Variants in LRRTM4 observed in about 807,000 individuals in gnomAD.
LRRTM4 encodes the protein leucine-rich repeat transmembrane neuronal protein 4.
In LRRTM4, 25 loss-of-function variants were observed where a neutral mutation model predicts 47.6. The observed-to-expected ratio is 0.53, with a 90% CI of 0.38 to 0.73. LRRTM4 has a LOEUF of 0.73. LRRTM4 is among the 30% of genes least tolerant of loss of function. The pLI, the probability that LRRTM4 is intolerant of heterozygous loss-of-function variation, is 0.00. For missense variants in LRRTM4, 638 were observed against 713.4 expected (o/e 0.89, Z 1.20); for synonymous variants, 311 against 269.5 (o/e 1.15, Z -1.51).
At chr2:76,776,271 C>G (rs1317722500) in intron 3 of LRRTM4, among the ~76,000 whole-genome samples, 2 of 151,930 alleles carry the variant, frequency 1.3e-5, no homozygotes, top group African/African-American at 4.8e-5. Context: ...GGGTATATAC[C>G]CAGTAATGGG....
At chr2:77,330,217 T>C (rs577615981) in intron 3 of LRRTM4, among the ~76,000 whole-genome samples, 123 of 152,284 alleles carry the variant, frequency 8.1e-4, no homozygotes, top group African/African-American at 2.8e-3. Context: ...GGAGACCATT[T>C]GTTCAGTGCA....
chr2:76,849,167 T>C (rs1261368251), intron 3 of LRRTM4, among the ~76,000 whole-genome samples: 3 of 152,002 alleles, frequency 2.0e-5, no homozygotes, highest in African/African-American at 7.2e-5. Flanking sequence ...TTGCTGTGCT[T>C]TGAGAGTAAT....
intron 3 of LRRTM4, among the ~76,000 whole-genome samples, chr2:77,467,555 T>C (rs967265717): frequency 6.6e-6 from 1 of 152,200 alleles, no homozygotes; most frequent in African/African-American, 2.4e-5. Flanking sequence ...CCTTGAACAC[T>C]TGCATGCTTA....
intron 3 of LRRTM4, among the ~76,000 whole-genome samples, chr2:77,446,611 G>C (rs1489635034): frequency 6.6e-6 from 1 of 151,764 alleles, no homozygotes; most frequent in African/African-American, 2.4e-5. Context: ...TACCTTTTTT[G>C]CTTCTTTAAG....
intron 3 of LRRTM4, among the ~76,000 whole-genome samples, chr2:76,775,433 T>G (rs1673925474): frequency 6.6e-6 from 1 of 152,152 alleles, no homozygotes; most frequent in Non-Finnish European, 1.5e-5. Context: ...CTCATGAGGC[T>G]CTGGGCAGCC....
chr2:77,465,768 T>C (rs748256151), intron 3 of LRRTM4, among the ~76,000 whole-genome samples: 31 of 152,194 alleles, frequency 2.0e-4, no homozygotes, highest in Non-Finnish European at 4.6e-4. Context: ...TCTTTCAGAA[T>C]ACAATGGTTG....
At chr2:77,246,907 A>AT (rs1675463079) in intron 3 of LRRTM4, among the ~76,000 whole-genome samples, 1 of 152,054 alleles carries the variant, frequency 6.6e-6, no homozygotes, top group Non-Finnish European at 1.5e-5. Flanking sequence ...TATCAAGCAA[A>AT]ATATAAAACT....
intron 3 of LRRTM4, among the ~76,000 whole-genome samples, chr2:76,889,242 G>A (rs910945290): frequency 2.0e-5 from 3 of 151,826 alleles, no homozygotes; most frequent in Admixed American, 6.6e-5. Flanking sequence ...ATACACTAAG[G>A]TTTTTATTTT....
intron 3 of LRRTM4, among the ~76,000 whole-genome samples, chr2:77,420,809 A>G (rs1674846809): frequency 6.8e-6 from 1 of 146,154 alleles, no homozygotes; most frequent in Non-Finnish European, 1.5e-5. Flanking sequence ...CATATATAAT[A>G]TATAATATAT....
chr2:76,898,694 C>T lies in LRRTM4; in HGVS notation c.1552-149778G>A, dbSNP rs146495585. Among the ~76,000 whole-genome samples the T allele has an allele frequency of 8.6e-3, 1,304 of 150,820 alleles. 23 individuals are homozygous for T. Among genetic ancestry groups the T allele is most frequent in the African/African-American group, 0.029 (1,214 of 41,186 alleles). ...ATATAGAGTTTCCTGAGCATCTGGA[C>T]GTATTAAATTTTATGGAAAATATCT... On this transcript the variant is annotated intron_variant, in intron 3 of 3. Coordinates refer to ENST00000409884, the MANE Select transcript of LRRTM4 (RefSeq NM_001134745.3).
chr2:76,803,874 T>A (rs1269087687), intron 3 of LRRTM4, among the ~76,000 whole-genome samples: 2 of 152,150 alleles, frequency 1.3e-5, no homozygotes, highest in African/African-American at 4.8e-5. Context: ...CCTGTGGAAG[T>A]CTGAAATTTG....
intron 3 of LRRTM4, among the ~76,000 whole-genome samples, chr2:76,804,878 C>T (rs1675891863): frequency 6.6e-6 from 1 of 150,856 alleles, no homozygotes; most frequent in Admixed American, 6.6e-5. Flanking sequence ...TTAAAGCCTG[C>T]CACAAGATAA....
chr2:77,045,947 T>C (rs1343044525), intron 3 of LRRTM4, among the ~76,000 whole-genome samples: 1 of 152,024 alleles, frequency 6.6e-6, no homozygotes, highest in African/African-American at 2.4e-5. Flanking sequence ...TTGATTGTTA[T>C]ATCTCTTAAG....
chr2:76,840,019 C>T (rs2103928067), intron 3 of LRRTM4, among the ~76,000 whole-genome samples: 1 of 152,106 alleles, frequency 6.6e-6, no homozygotes, highest in South Asian at 2.1e-4. Context: ...AGGCAGACCC[C>T]CTGCTGCCTA....
At chr2:77,415,439 G>T (rs1339911741) in intron 3 of LRRTM4, among the ~76,000 whole-genome samples, 1 of 152,118 alleles carries the variant, frequency 6.6e-6, no homozygotes, top group Non-Finnish European at 1.5e-5. Context: ...TAACTATCAA[G>T]ATTTCTTACT....
chr2:77,435,957 G>A (rs2103916188), intron 3 of LRRTM4, among the ~76,000 whole-genome samples: 1 of 152,226 alleles, frequency 6.6e-6, no homozygotes, highest in East Asian at 1.9e-4. Flanking sequence ...TATAATTAGA[G>A]AATTATTGAT....
chr2:76,964,156 T>A (rs1019936594), intron 3 of LRRTM4, among the ~76,000 whole-genome samples: 1 of 151,006 alleles, frequency 6.6e-6, no homozygotes, highest in Non-Finnish European at 1.5e-5. Context: ...AAATGAATGT[T>A]TGTAGCTGTG....
chr2:77,167,189 A>G (rs1042697313), intron 3 of LRRTM4, among the ~76,000 whole-genome samples: 53 of 152,336 alleles, frequency 3.5e-4, no homozygotes, highest in African/African-American at 1.2e-3. Flanking sequence ...CAGCTAACAG[A>G]CTCATGAAAA....
chr2:77,012,384 T>C (rs1442240190), intron 3 of LRRTM4, among the ~76,000 whole-genome samples: 1 of 152,058 alleles, frequency 6.6e-6, no homozygotes, highest in African/African-American at 2.4e-5. Context: ...GCTTTGACAA[T>C]GAGAAATTAA....
Sources: gnomAD v4.1 joint callset for allele counts (sites outside exome capture counted in the v4.1 genomes callset) on GRCh38, gnomAD v4.1.1 for gene constraint, MANE v1.5 for transcripts, NCBI Gene and HGNC (gene_info 2026-07-23, HGNC 2026-07-21) for gene names.